Variants in EXOC4 observed in about 807,000 individuals in gnomAD.
EXOC4 encodes exocyst complex component 4.
Under a neutral mutation model 107.2 loss-of-function variants are expected in EXOC4, and 71 were observed. That is an observed-to-expected ratio of 0.66 (90% CI 0.55 to 0.81). The LOEUF is 0.81. EXOC4 is among the 30% of genes least tolerant of loss of function. The pLI, the probability that EXOC4 is intolerant of heterozygous loss-of-function variation, is 0.00. For missense variants in EXOC4, 1,108 were observed against 1,189.6 expected (o/e 0.93, Z 1.01); for synonymous variants, 456 against 441.2 (o/e 1.03, Z -0.42).
Position 133,369,636 on chromosome 7 carries a change from TC to T in EXOC4, c.1008-5188del, listed in dbSNP as rs1039588797. Reference sequence around the variant, plus strand: ...CTTGCTTTTCTTATTCTGCATATTATCCCCGAGTGATCTCATCTCCTCAAAT... The same window carrying T: ...CTTGCTTTTCTTATTCTGCATATTATCCCGAGTGATCTCATCTCCTCAAAT... On this transcript the variant is annotated intron_variant, in intron 6 of 17. Coordinates refer to ENST00000253861, the MANE Select transcript of EXOC4 (RefSeq NM_021807.4). 4.6e-5 allele frequency among the ~76,000 whole-genome samples: 7 copies of T among 152,114 alleles called. No individual in the cohort carries two copies. The South Asian group carries it at 8.3e-4, about 18-fold the overall frequency.
chr7:133,935,761 G>A (rs528424516), intron 13 of EXOC4, among the ~76,000 whole-genome samples: 89 of 152,300 alleles, frequency 5.8e-4, no homozygotes, highest in Middle Eastern at 6.8e-3. Flanking sequence ...TGGTGATGGG[G>A]AGGCATAAAT....
intron 9 of EXOC4, among the ~76,000 whole-genome samples, chr7:133,488,259 G>T (rs1280062653): frequency 6.6e-6 from 1 of 152,134 alleles, no homozygotes; most frequent in Non-Finnish European, 1.5e-5. Flanking sequence ...AGATTTTAGT[G>T]CTAGAAAGTG....
At chr7:133,460,025 C>T (rs1057033823) in intron 7 of EXOC4, among the ~76,000 whole-genome samples, 8 of 152,136 alleles carry the variant, frequency 5.3e-5, no homozygotes, top group African/African-American at 1.7e-4. Flanking sequence ...AATAGTTCTC[C>T]ATTTTTGTAC....
intron 11 of EXOC4, among the ~76,000 whole-genome samples, chr7:133,868,437 A>G (rs543331050): frequency 4.2e-4 from 64 of 152,300 alleles, no homozygotes; most frequent in Admixed American, 1.1e-3. Flanking sequence ...CGTTCATGCA[A>G]TCTGCCAGTC....
At chr7:133,390,128 A>G (rs1584878060) in intron 7 of EXOC4, among the ~76,000 whole-genome samples, 3 of 152,278 alleles carry the variant, frequency 2.0e-5, no homozygotes, top group East Asian at 1.9e-4. Context: ...GGGGAGAGGT[A>G]AGGGCAGGAA....
chr7:133,776,043 TAAAG>T (rs1395236289), intron 10 of EXOC4, among the ~76,000 whole-genome samples: 2 of 152,264 alleles, frequency 1.3e-5, no homozygotes, highest in East Asian at 3.9e-4. Context: ...AAAGCACTCT[TAAAG>T]AAATAAAGCA....
At chr7:134,096,349 A>T in the EXOC4 span, among the ~76,000 whole-genome samples, 1 of 152,194 alleles carries the variant, frequency 6.6e-6, no homozygotes, top group Non-Finnish European at 1.5e-5. Flanking sequence ...AGGGCCATTT[A>T]TCACAATGTT....
chr7:134,045,049 T>C (rs1310091875), intron 17 of EXOC4, among the ~76,000 whole-genome samples: 1 of 152,176 alleles, frequency 6.6e-6, no homozygotes, highest in Non-Finnish European at 1.5e-5. Context: ...TGTTTTGCCT[T>C]TGGAGCCTCA....
intron 6 of EXOC4, among the ~76,000 whole-genome samples, chr7:133,365,002 A>T (rs1444276642): frequency 6.6e-6 from 1 of 152,192 alleles, no homozygotes; most frequent in Non-Finnish European, 1.5e-5. Flanking sequence ...CAGAAGGACG[A>T]TATCTGTACT....
At chr7:133,506,743 A>G (rs1799673620) in intron 9 of EXOC4, among the ~76,000 whole-genome samples, 1 of 152,042 alleles carries the variant, frequency 6.6e-6, no homozygotes, top group Non-Finnish European at 1.5e-5. Context: ...CCATTTTTTT[A>G]ATTTAAATTT....
Position 133,356,489 on chromosome 7 carries a change from A to G in EXOC4, c.923A>G (p.Lys308Arg). The G allele has an allele frequency of 6.2e-7, 1 of 1,614,176 alleles. No homozygotes were observed. Among genetic ancestry groups the G allele is most frequent in the Non-Finnish European group, 8.5e-7 (1 of 1,180,020 alleles). Reference protein sequence around the residue: ...AIIERLEQELKQIVKRSTTQV... With the variant: ...AIIERLEQELRQIVKRSTTQV... ...ATAGAGCGCTTGGAGCAGGAGTTGAAGCAAATTGTGAAGAGGTCTACAACC... is the reference window on the plus strand; with the variant it reads ...ATAGAGCGCTTGGAGCAGGAGTTGAGGCAAATTGTGAAGAGGTCTACAACC... The change falls in exon 6 of 18, where the codon AAG becomes AGG. Residue 308 changes from lysine to arginine, a missense_variant. Lys to Arg is a conservative substitution (Grantham distance 26). Transcript: ENST00000253861.
chr7:133,840,827 C>G (rs990249415), intron 11 of EXOC4, among the ~76,000 whole-genome samples: 1 of 151,988 alleles, frequency 6.6e-6, no homozygotes, highest in African/African-American at 2.4e-5. Context: ...TTGGGTGTTA[C>G]CTTTATGATT....
Position 133,584,738 on chromosome 7 carries a change from C to T in EXOC4, c.1418-45307C>T, listed in dbSNP as rs1801362065. ...GGATTACAGATACGCTCTATCACAC[C>T]CAGCTAATTTTTGTATTTCTAGTAG... On this transcript the variant is annotated intron_variant, in intron 9 of 17. Transcript: ENST00000253861. Among the ~76,000 whole-genome samples, 3 of 151,914 alleles carry T rather than the reference C, an allele frequency of 2.0e-5. No homozygotes were observed. The South Asian group carries it at 6.2e-4, about 32-fold the overall frequency.
At chr7:133,514,062 G>T (rs1799824650) in intron 9 of EXOC4, among the ~76,000 whole-genome samples, 1 of 151,998 alleles carries the variant, frequency 6.6e-6, no homozygotes, top group Non-Finnish European at 1.5e-5. Flanking sequence ...ATTGTTCTAG[G>T]TGCTTTACAT....
intron 4 of EXOC4, among the ~76,000 whole-genome samples, chr7:133,311,397 C>T (rs1178718117): frequency 6.6e-6 from 1 of 151,950 alleles, no homozygotes; most frequent in Non-Finnish European, 1.5e-5. Context: ...GAAATAGACC[C>T]CAGGATCTAT....
intron 7 of EXOC4, among the ~76,000 whole-genome samples, chr7:133,432,413 G>A (rs1797876122): frequency 6.6e-6 from 1 of 152,100 alleles, no homozygotes; most frequent in Non-Finnish European, 1.5e-5. Flanking sequence ...CATATAGTAG[G>A]CATTTAATAG....
intron 9 of EXOC4, among the ~76,000 whole-genome samples, chr7:133,542,827 G>A (rs1800406718): frequency 6.6e-6 from 1 of 151,970 alleles, no homozygotes; most frequent in South Asian, 2.1e-4. Context: ...ATGTTTGATT[G>A]TCAGTACCAT....
intron 5 of EXOC4, among the ~76,000 whole-genome samples, chr7:133,343,705 T>G (rs1795719727): frequency 6.6e-6 from 1 of 150,566 alleles, no homozygotes; most frequent in South Asian, 2.2e-4. Context: ...TTCGCATCCC[T>G]CATCCTGCCT....
chr7:133,434,699 G>A (rs538337591), intron 7 of EXOC4, among the ~76,000 whole-genome samples: 2 of 152,290 alleles, frequency 1.3e-5, no homozygotes, highest in African/African-American at 4.8e-5. Context: ...GATACTTTGA[G>A]CTTGTTTAAC....
Sources: allele counts gnomAD v4.1 joint callset (sites outside exome capture counted in the v4.1 genomes callset), GRCh38; gene constraint gnomAD v4.1.1; transcripts MANE v1.5; gene names NCBI Gene and HGNC (gene_info 2026-07-23, HGNC 2026-07-21).